Variants in SPPL3 observed in about 807,000 individuals in gnomAD.
SPPL3 encodes the protein signal peptide peptidase-like 3.
Under a neutral mutation model 42.4 loss-of-function variants are expected in SPPL3, and 5 were observed. The ratio of observed to expected loss-of-function variants is 0.12; its 90% CI spans 0.06 to 0.25. SPPL3 has a LOEUF of 0.25. Ranked by LOEUF, SPPL3 falls within the 10% of genes least tolerant of loss-of-function variation. The pLI is 1.00. For synonymous variants in SPPL3, 195 were observed against 181.8 expected, an observed-to-expected ratio of 1.07 and a Z score of -0.58; for missense variants, 235 against 489.0, an observed-to-expected ratio of 0.48 and a Z score of 4.90.
intron 1 of SPPL3, among the ~76,000 whole-genome samples, chr12:120,888,969 T>C (rs1168944): frequency 6.6e-6 from 1 of 151,566 alleles, no homozygotes; most frequent in Non-Finnish European, 1.5e-5. Flanking sequence ...TCATGCCACC[T>C]CACCTGGCTA....
chr12:120,840,255 G>A (rs1871771327), intron 1 of SPPL3, among the ~76,000 whole-genome samples: 1 of 120,934 alleles, frequency 8.3e-6, no homozygotes, highest in Non-Finnish European at 1.6e-5. Context: ...TCCAGCCTGA[G>A]CGACAGAGTG....
chr12:120,803,408 G>T (rs931124536), intron 2 of SPPL3, among the ~76,000 whole-genome samples: 2 of 152,154 alleles, frequency 1.3e-5, no homozygotes, highest in Non-Finnish European at 2.9e-5. Flanking sequence ...TCAGTTTATT[G>T]AAAGTTATAC....
intron 6 of SPPL3, among the ~76,000 whole-genome samples, chr12:120,773,609 T>C (rs533881356): frequency 7.6e-4 from 116 of 152,282 alleles, no homozygotes; most frequent in Non-Finnish European, 1.3e-3. Flanking sequence ...GTGACACATG[T>C]AGACGACCTG....
chr12:120,824,248 C>T (rs1871170914), intron 1 of SPPL3, among the ~76,000 whole-genome samples: 1 of 152,046 alleles, frequency 6.6e-6, no homozygotes, highest in African/African-American at 2.4e-5. Context: ...CATAAAACCA[C>T]TTTTATTAAA....
chr12:120,832,107 G>A (rs930834155), intron 1 of SPPL3, among the ~76,000 whole-genome samples: 17 of 152,134 alleles, frequency 1.1e-4, no homozygotes, highest in African/African-American at 3.6e-4. Context: ...TTTCCTATGT[G>A]TGGGGTACTG....
At chr12:120,826,441 T>C (rs926125263) in intron 1 of SPPL3, among the ~76,000 whole-genome samples, 1 of 152,146 alleles carries the variant, frequency 6.6e-6, no homozygotes, top group African/African-American at 2.4e-5. Context: ...CTCATGTATG[T>C]GGCAGAGACA....
chr12:120,841,184 G>A (rs1644774410), intron 1 of SPPL3, among the ~76,000 whole-genome samples: 1 of 151,866 alleles, frequency 6.6e-6, no homozygotes, highest in South Asian at 2.1e-4. Context: ...AATTAGCCAG[G>A]TGTGGTGGTG....
intron 1 of SPPL3, among the ~76,000 whole-genome samples, chr12:120,870,285 A>C (rs1253213745): frequency 5.3e-5 from 8 of 152,104 alleles, no homozygotes; most frequent in Non-Finnish European, 2.9e-5. Flanking sequence ...ATCTCTACTA[A>C]AAATACAAAA....
intron 8 of SPPL3, among the ~76,000 whole-genome samples, 153 bp from the exon 9 acceptor site, chr12:120,767,746 T>C (rs1566036228): frequency 6.6e-6 from 1 of 152,152 alleles, no homozygotes; most frequent in Non-Finnish European, 1.5e-5. Context: ...TTTAAGAGTG[T>C]AGAGAGAAAA....
At position 120,902,567 on chromosome 12, in the gene SPPL3, G is replaced by C. The variant is rs558415242; in HGVS notation, c.23+1278C>G. Among the ~76,000 whole-genome samples the C allele has an allele frequency of 1.2e-4, 18 of 152,236 alleles. No homozygotes were observed. In the South Asian group the frequency reaches 3.7e-3, roughly 32 times the overall value. ...GTAATTCCCTCTATTTTATAGGTAAGGAAAAAGGACCGAAGAACTCACTAC... is the reference window on the plus strand; with the variant it reads ...GTAATTCCCTCTATTTTATAGGTAACGAAAAAGGACCGAAGAACTCACTAC... On this transcript the variant is annotated intron_variant, in intron 1 of 10. Transcript: ENST00000353487.
intron 1 of SPPL3, chr12:120,903,643 G>A (rs1445933664): frequency 2.1e-6 from 1 of 480,158 alleles, no homozygotes. Flanking sequence ...TCCCCTTCTC[G>A]GACGCCAGGT....
intron 2 of SPPL3, among the ~76,000 whole-genome samples, chr12:120,798,223 G>GT (rs1870171073): frequency 4.7e-5 from 7 of 148,152 alleles, no homozygotes; most frequent in African/African-American, 1.3e-4. Context: ...CTTTCCTGGG[G>GT]GTTTTTTTAT....
Position 120,866,519 on chromosome 12 carries a change from C to T in SPPL3, c.23+37326G>A, listed in dbSNP as rs953643624. Among the ~76,000 whole-genome samples the T allele has an allele frequency of 5.3e-5, 8 of 151,498 alleles. No homozygotes were observed. The East Asian group carries it at 7.7e-4, about 15-fold the overall frequency. On this transcript the variant is annotated intron_variant, in intron 1 of 10. Transcript: ENST00000353487. ...ACTGAAATAGTAAGGCATAATTTAC[C>T]TTGAAAAGACACCTCCACACATGGC... is the stretch of plus-strand genomic sequence containing the variant.
intron 6 of SPPL3, among the ~76,000 whole-genome samples, chr12:120,777,174 G>A (rs1869351564): frequency 1.3e-5 from 2 of 152,130 alleles, no homozygotes; most frequent in African/African-American, 4.8e-5. Flanking sequence ...CCAACTAACT[G>A]GAATTTCTAA....
chr12:120,852,295 A>C (rs921096479), intron 1 of SPPL3, among the ~76,000 whole-genome samples: 1 of 148,498 alleles, frequency 6.7e-6, no homozygotes, highest in African/African-American at 2.5e-5. Context: ...TCTATTAAAG[A>C]TATATATCTT....
At chr12:120,768,815 T>C (rs1869003979) in intron 7 of SPPL3, 138 bp downstream of exon 7, 1 of 723,448 alleles carries the variant, frequency 1.4e-6, no homozygotes, top group Non-Finnish European at 2.3e-6. Context: ...ACACCCATGA[T>C]ACAGTTAAGG....
intron 1 of SPPL3, among the ~76,000 whole-genome samples, chr12:120,813,923 C>T (rs974109758): frequency 3.5e-4 from 53 of 152,284 alleles, no homozygotes; most frequent in African/African-American, 1.3e-3. Flanking sequence ...CAGGCCCCCT[C>T]CAAGGAGCTG....
At chr12:120,771,479 C>T (rs1033128729) in intron 6 of SPPL3, among the ~76,000 whole-genome samples, 7 of 152,260 alleles carry the variant, frequency 4.6e-5, no homozygotes, top group Non-Finnish European at 1.0e-4. Flanking sequence ...GTGGACTTTC[C>T]TGCAATTACA....
At chr12:120,882,610 G>A (rs909890265) in intron 1 of SPPL3, among the ~76,000 whole-genome samples, 22 of 152,090 alleles carry the variant, frequency 1.4e-4, no homozygotes, top group African/African-American at 5.1e-4. Context: ...GGTCTCCTAT[G>A]TATCCACAAA....
Sources: gnomAD v4.1 joint callset for allele counts (sites outside exome capture counted in the v4.1 genomes callset) on GRCh38, gnomAD v4.1.1 for gene constraint, MANE v1.5 for transcripts, NCBI Gene and HGNC (gene_info 2026-07-23, HGNC 2026-07-21) for gene names.